The following ADCY2 variants were observed in gnomAD, a reference collection of about 807,000 sequenced individuals.
The protein encoded by ADCY2 is adenylate cyclase 2.
In ADCY2, 31 loss-of-function variants were observed where a neutral mutation model predicts 125.2. The ratio of observed to expected loss-of-function variants is 0.25; its 90% CI spans 0.19 to 0.33. The LOEUF (loss-of-function observed/expected upper bound fraction) is 0.33. Ranked by LOEUF, ADCY2 falls within the 10% of genes least tolerant of loss-of-function variation. The probability of loss-of-function intolerance (pLI) is 1.00; values close to 1 mark genes in which losing one functional copy is unlikely to be tolerated. For missense variants in ADCY2, 904 were observed against 1,418.2 expected (o/e 0.64, Z 5.82); for synonymous variants, 512 against 548.4 (o/e 0.93, Z 0.93).
At chr5:7,398,902 C>T (rs1451708616) in intron 1 of ADCY2, among the ~76,000 whole-genome samples, 4 of 152,328 alleles carry the variant, frequency 2.6e-5, no homozygotes, top group East Asian at 3.9e-4. Flanking sequence ...TTCCAAAACA[C>T]GTTCTCCATC....
chr5:7,543,613 A>G (rs1460651377), intron 3 of ADCY2, among the ~76,000 whole-genome samples: 2 of 152,188 alleles, frequency 1.3e-5, no homozygotes, highest in African/African-American at 2.4e-5. Context: ...TGCAAAAACC[A>G]CAATTACCTT....
intron 14 of ADCY2, among the ~76,000 whole-genome samples, chr5:7,728,688 C>T (rs910274260): frequency 2.0e-5 from 3 of 152,108 alleles, no homozygotes; most frequent in Non-Finnish European, 4.4e-5. Flanking sequence ...ATAACTATTA[C>T]CCAGGGAATG....
chr5:7,778,864 C>T (rs150475504), intron 18 of ADCY2, among the ~76,000 whole-genome samples: 1 of 152,196 alleles, frequency 6.6e-6, no homozygotes, highest in African/African-American at 2.4e-5. Context: ...GCAGACCTTA[C>T]CCTGGGGCAG....
intron 2 of ADCY2, among the ~76,000 whole-genome samples, chr5:7,450,555 G>A (rs1321879187): frequency 1.3e-5 from 2 of 152,226 alleles, no homozygotes; most frequent in African/African-American, 2.4e-5. Context: ...AGCAGCAAAT[G>A]CTGATGCATG....
chr5:7,768,686 T>G (rs1330230260), intron 17 of ADCY2, among the ~76,000 whole-genome samples: 1 of 152,122 alleles, frequency 6.6e-6, no homozygotes. Flanking sequence ...TCAAAGAAAA[T>G]TATTAAAAAC....
intron 18 of ADCY2, among the ~76,000 whole-genome samples, chr5:7,779,583 C>G (rs554327163): frequency 0.017 from 2,659 of 152,228 alleles, 27 homozygotes; most frequent in Non-Finnish European, 0.029. Context: ...AACCCCCCCC[C>G]CAACACACAC....
At chr5:7,740,273 A>G (rs559786444) in intron 14 of ADCY2, among the ~76,000 whole-genome samples, 1 of 152,194 alleles carries the variant, frequency 6.6e-6, no homozygotes, top group East Asian at 1.9e-4. Context: ...AAAGATTTTT[A>G]TTATGATTCA....
chr5:7,687,310 T>C (rs1309931328), intron 4 of ADCY2, among the ~76,000 whole-genome samples: 2 of 152,224 alleles, frequency 1.3e-5, no homozygotes. Context: ...TTTTTGATCC[T>C]AGAATCTGTA....
intron 11 of ADCY2, among the ~76,000 whole-genome samples, chr5:7,715,012 G>A (rs1741554314): frequency 6.6e-6 from 1 of 152,196 alleles, no homozygotes; most frequent in Non-Finnish European, 1.5e-5. Context: ...GGAGCCCAGG[G>A]GAAGGCACCA....
chr5:7,632,961 C>T (rs1561135638), intron 4 of ADCY2, among the ~76,000 whole-genome samples: 1 of 152,174 alleles, frequency 6.6e-6, no homozygotes, highest in Non-Finnish European at 1.5e-5. Flanking sequence ...ACTGTGCAAT[C>T]AACCTCCTTT....
At chr5:7,456,920 C>A (rs1208047866) in intron 2 of ADCY2, among the ~76,000 whole-genome samples, 1 of 152,020 alleles carries the variant, frequency 6.6e-6, no homozygotes, top group South Asian at 2.1e-4. Context: ...ATTCTCATTC[C>A]GCTTGTTTGT....
intron 2 of ADCY2, among the ~76,000 whole-genome samples, chr5:7,517,517 C>T (rs556085653): frequency 6.6e-6 from 1 of 152,288 alleles, no homozygotes; most frequent in Non-Finnish European, 1.5e-5. Context: ...CTATGGGACT[C>T]GAAGCTGCAG....
At chr5:7,555,524 T>G (rs983423187) in intron 3 of ADCY2, among the ~76,000 whole-genome samples, 1 of 152,222 alleles carries the variant, frequency 6.6e-6, no homozygotes, top group South Asian at 2.1e-4. Context: ...GGTAACTGTT[T>G]GTATGTTACA....
At chr5:7,816,465 C>G (rs1162238475) in intron 22 of ADCY2, among the ~76,000 whole-genome samples, 1 of 152,246 alleles carries the variant, frequency 6.6e-6, no homozygotes, top group Non-Finnish European at 1.5e-5. Context: ...CCCTAGCGGT[C>G]AGGCCACCAG....
chr5:7,510,137 T>A (rs1290246303), intron 2 of ADCY2, among the ~76,000 whole-genome samples: 2 of 152,190 alleles, frequency 1.3e-5, no homozygotes, highest in African/African-American at 4.8e-5. Flanking sequence ...AGAAATGAAA[T>A]TTAAAGGAAA....
At chr5:7,418,295 C>A (rs1041404413) in intron 2 of ADCY2, among the ~76,000 whole-genome samples, 3 of 152,132 alleles carry the variant, frequency 2.0e-5, no homozygotes, top group Admixed American at 6.5e-5. Context: ...TGAGGCTCAG[C>A]CCAGGTATTC....
At chr5:7,790,330 A>G (rs1039070747) in intron 20 of ADCY2, among the ~76,000 whole-genome samples, 5 of 152,244 alleles carry the variant, frequency 3.3e-5, no homozygotes, top group African/African-American at 1.2e-4. Flanking sequence ...TTATCTACAC[A>G]AGAGCAGACC....
At chr5:7,799,686 T>C (rs1490734088) in intron 20 of ADCY2, 2 of 152,448 alleles carry the variant, frequency 1.3e-5, no homozygotes, top group East Asian at 3.9e-4. Flanking sequence ...CCTCACGTAG[T>C]CTGTCATTCT....
chr5:7,562,650 G>GACACAC (rs141765300), intron 3 of ADCY2, among the ~76,000 whole-genome samples: 2 of 151,862 alleles, frequency 1.3e-5, no homozygotes, highest in African/African-American at 4.8e-5. Context: ...GACATAGACA[G>GACACAC]ACACACACAC....
Sources: gnomAD v4.1 joint callset for allele counts (sites outside exome capture counted in the v4.1 genomes callset) on GRCh38, gnomAD v4.1.1 for gene constraint, MANE v1.5 for transcripts, NCBI Gene and HGNC (gene_info 2026-07-23, HGNC 2026-07-21) for gene names.